BLTP1: variants seen among roughly 807,000 people sequenced by gnomAD.
The protein encoded by BLTP1 is bridge-like lipid transfer protein family member 1.
At chr4:122,359,762 AT>A in the BLTP1 span, 1 of 1,544,852 alleles carries the variant, frequency 6.5e-7, no homozygotes. Context: ...ATGCTAAGGG[AT>A]TACTATGAGC....
At chr4:122,233,669 C>G in the BLTP1 span, among the ~76,000 whole-genome samples, 1 of 152,142 alleles carries the variant, frequency 6.6e-6, no homozygotes, top group East Asian at 1.9e-4. Flanking sequence ...TTCCTTCTGT[C>G]TTCTCTAGAT....
the BLTP1 span, chr4:122,352,845 C>T: frequency 3.2e-6 from 5 of 1,583,008 alleles, no homozygotes; most frequent in African/African-American, 2.7e-5. Flanking sequence ...CCTCACTCTA[C>T]CCTATCCAAG....
the BLTP1 span, chr4:122,240,040 C>T: frequency 3.7e-6 from 6 of 1,614,060 alleles, no homozygotes; most frequent in Non-Finnish European, 5.1e-6. Context: ...GATTCCAGAA[C>T]TCTGCCATTC....
chr4:122,216,607 A>T, the BLTP1 span, among the ~76,000 whole-genome samples: 1 of 151,500 alleles, frequency 6.6e-6, no homozygotes, highest in Non-Finnish European at 1.5e-5. Context: ...TTTTGATGGG[A>T]TTATTTGTTT....
At chr4:122,207,143 C>T in the BLTP1 span, 4 of 1,606,678 alleles carry the variant, frequency 2.5e-6, no homozygotes, top group Non-Finnish European at 3.4e-6. Context: ...GACAGTCCTC[C>T]AGACATTTTT....
the BLTP1 span, chr4:122,334,152 A>T: frequency 1.5e-5 from 3 of 196,784 alleles, no homozygotes; most frequent in Non-Finnish European, 2.8e-5. Context: ...GACATTAAAG[A>T]TTATCTGAAA....
chr4:122,244,214 C>G, the BLTP1 span: 3 of 312,954 alleles, frequency 9.6e-6, no homozygotes, highest in Admixed American at 6.5e-5. Flanking sequence ...TTAAAGAGGT[C>G]TGTGTTTCAG....
the BLTP1 span, chr4:122,324,569 TA>T: frequency 1.3e-6 from 2 of 1,545,914 alleles, no homozygotes; most frequent in South Asian, 2.5e-5. Context: ...AAACAAGTAA[TA>T]AAATTGTTGA....
chr4:122,245,252 T>A, the BLTP1 span: 1 of 921,800 alleles, frequency 1.1e-6, no homozygotes, highest in East Asian at 2.5e-5. Flanking sequence ...TTTGGACATG[T>A]TCTAAAAGCG....
the BLTP1 span, chr4:122,208,580 T>C: frequency 1.0e-6 from 1 of 970,360 alleles, no homozygotes; most frequent in African/African-American, 1.8e-5. Flanking sequence ...AAAAGTTTTT[T>C]TAAAAACTGA....
the BLTP1 span, chr4:122,152,375 G>C: frequency 3.0e-6 from 3 of 985,646 alleles, no homozygotes; most frequent in East Asian, 1.1e-4. Flanking sequence ...CTCCTCCTCC[G>C]CCCCCTTGGG....
At chr4:122,225,164 C>T in the BLTP1 span, 3 of 358,004 alleles carry the variant, frequency 8.4e-6, no homozygotes, top group Non-Finnish European at 1.2e-5. Flanking sequence ...AGCAAGATTA[C>T]ATCATTTGTA....
At chr4:122,185,965 A>C in the BLTP1 span, 1 of 1,236,242 alleles carries the variant, frequency 8.1e-7, no homozygotes, top group South Asian at 1.7e-5. Flanking sequence ...GGGTGTATAA[A>C]AATGTTTGAG....
chr4:122,279,713 TCAAAA>T, the BLTP1 span: 13 of 1,520,588 alleles, frequency 8.5e-6, no homozygotes, highest in Middle Eastern at 1.8e-4. Context: ...CAATATTTTT[TCAAAA>T]TTTCTCTTTA....
chr4:122,291,765 A>AC, the BLTP1 span: 1 of 974,868 alleles, frequency 1.0e-6, no homozygotes, highest in Middle Eastern at 5.3e-4. Context: ...GACATAAAAT[A>AC]CTATGGAATT....
the BLTP1 span, among the ~76,000 whole-genome samples, chr4:122,299,461 C>T: frequency 2.0e-5 from 3 of 152,158 alleles, no homozygotes; most frequent in African/African-American, 7.2e-5. Flanking sequence ...TGATGAAAAG[C>T]AGAGACAGTA....
chr4:122,209,234 A>G, the BLTP1 span: 3 of 1,613,256 alleles, frequency 1.9e-6, no homozygotes, highest in Non-Finnish European at 2.5e-6. Context: ...GCTGGTAAAA[A>G]ATTGCCATCC....
chr4:122,345,237 A>G, the BLTP1 span, among the ~76,000 whole-genome samples: 5 of 152,290 alleles, frequency 3.3e-5, no homozygotes, highest in Non-Finnish European at 7.4e-5. Context: ...GTGTAGACAA[A>G]TAAATGAGTC....
the BLTP1 span, chr4:122,345,986 ATAG>A: frequency 1.0e-6 from 1 of 975,506 alleles, no homozygotes; most frequent in Non-Finnish European, 1.2e-6. Context: ...GGAAATGTCT[ATAG>A]GACATTTAGG....
Sources: gnomAD v4.1 joint callset for allele counts (sites outside exome capture counted in the v4.1 genomes callset) on GRCh38, gnomAD v4.1.1 for gene constraint, MANE v1.5 for transcripts, NCBI Gene and HGNC (gene_info 2026-07-23, HGNC 2026-07-21) for gene names.